Variants in RALGDS observed in about 807,000 individuals in gnomAD.
The protein encoded by RALGDS is ral guanine nucleotide exchange factor.
A neutral mutation model predicts 99.8 loss-of-function variants in RALGDS; 44 were observed. The ratio of observed to expected loss-of-function variants is 0.44; its 90% CI spans 0.35 to 0.57. The LOEUF is 0.57. RALGDS is among the 20% of genes least tolerant of loss of function. RALGDS has a pLI of 0.01. For synonymous variants in RALGDS, 529 were observed against 505.0 expected, an observed-to-expected ratio of 1.05 and a Z score of -0.64; for missense variants, 1,022 against 1,203.1, an observed-to-expected ratio of 0.85 and a Z score of 2.23.
upstream of RALGDS, among the ~76,000 whole-genome samples, chr9:133,125,874 T>C (rs1588560117): frequency 2.6e-5 from 4 of 152,098 alleles, no homozygotes; most frequent in South Asian, 8.3e-4. Context: ...TGTATTACTC[T>C]CTGTGGGCAC....
Position 133,102,805 on chromosome 9 carries a change from G to A in RALGDS, c.1887C>T (p.Ala629=), listed in dbSNP as rs139064238. ...PDEQFGAWFR[A]VERLSETESY... Reference sequence around the variant, plus strand: ...TCTCAGTCTCGCTGAGCCGCTCCACGGCCCGGAACCAGGCCCCAAATTGCT... The same window carrying A: ...TCTCAGTCTCGCTGAGCCGCTCCACAGCCCGGAACCAGGCCCCAAATTGCT... The change falls in exon 13 of 18, where the codon GCC becomes GCT. Residue 629 remains alanine, a synonymous_variant. Transcript: ENST00000372050. 3.4e-5 allele frequency: 55 copies of A among 1,612,964 alleles called. No homozygotes were observed. The African/African-American group carries it at 4.3e-4, about 13-fold the overall frequency.
intron 10 of RALGDS, 137 bp from the exon 11 acceptor site, chr9:133,103,970 A>G: frequency 1.1e-6 from 1 of 895,048 alleles, no homozygotes; most frequent in Non-Finnish European, 1.8e-6. Flanking sequence ...CCTGGACCCC[A>G]GACTCCCTCT....
chr9:133,104,091 C>T (rs960267426), intron 10 of RALGDS, among the ~76,000 whole-genome samples, 172 bp downstream of exon 10: 7 of 152,202 alleles, frequency 4.6e-5, no homozygotes, highest in Admixed American at 6.5e-5. Flanking sequence ...CCTGTCCTTT[C>T]GTGGCTGCAG....
At position 133,130,593 on chromosome 9, in the gene RALGDS, T is replaced by A. The variant is rs529539524; in HGVS notation, c.132+359A>T. Among the ~76,000 whole-genome samples, 308 of 152,188 alleles carry A rather than the reference T, an allele frequency of 2.0e-3. 1 individual carries two copies. Among genetic ancestry groups the A allele is most frequent in the African/African-American group, 7.2e-3 (299 of 41,486 alleles). ...AAGGGCAGGCTTGAAATGAGTACATTTGGCTTTTAGAATAATTTACTAGAG... is the reference window on the plus strand; with the variant it reads ...AAGGGCAGGCTTGAAATGAGTACATATGGCTTTTAGAATAATTTACTAGAG... On this transcript the variant is annotated intron_variant, in intron 1 of 17. Coordinates refer to the RALGDS transcript ENST00000372062.
chr9:133,120,304 G>A (rs1468848131), intron 1 of RALGDS, among the ~76,000 whole-genome samples: 1 of 152,106 alleles, frequency 6.6e-6, no homozygotes, highest in Non-Finnish European at 1.5e-5. Context: ...TCAGGGTGTT[G>A]GCACTCTTTC....
chr9:133,108,186 C>A lies in RALGDS; in HGVS notation c.999G>T (p.Leu333=). 1 of 1,611,856 alleles carries A rather than the reference C, an allele frequency of 6.2e-7. No homozygotes were observed. Among genetic ancestry groups the A allele is most frequent in the Non-Finnish European group, 8.5e-7 (1 of 1,179,874 alleles). Reference sequence around the variant, plus strand: ...CCTGTTCTGGAGCTGGCTCTAGTTCCAGAGCTGGCGCTGGAGCCGATTCTA... The same window carrying A: ...CCTGTTCTGGAGCTGGCTCTAGTTCAAGAGCTGGCGCTGGAGCCGATTCTA... ...VGLESAPAPA[L]ELEPAPEQDP... is the part of the protein sequence containing the mutation. Residue 333 remains leucine, a synonymous_variant, in exon 6 of 18, where the codon CTG becomes CTT. Coordinates refer to ENST00000372050, the MANE Select transcript of RALGDS (RefSeq NM_006266.4).
At position 133,107,161 on chromosome 9, in the gene RALGDS, G is replaced by C. The variant is rs777232468; in HGVS notation, c.1337C>G (p.Thr446Ser). The C allele has an allele frequency of 6.3e-5, 101 of 1,613,660 alleles. No homozygotes were observed. The highest frequency in any genetic ancestry group is 8.1e-5 in the Non-Finnish European group (95 of 1,180,050). ...CGTGCTTCGGTTCCCGAGGCAGGTG[G>C]TGATGACACAGTTGGCCACACTGTT... Reference protein sequence around the residue: ...QFNSVANCVITTCLGNRSTKA... With the variant: ...QFNSVANCVISTCLGNRSTKA... Residue 446 changes from threonine to serine, a missense_variant, in exon 7 of 18, where the codon ACC (threonine) becomes AGC (serine). By Grantham distance (58) the Thr-to-Ser change is moderately conservative. Around this residue, in one of 3 missense-constraint regions of RALGDS, gnomAD observed 825 missense variants for 994.5 expected, o/e 0.83. Transcript: ENST00000372050.
rs141487508 is a variant in RALGDS, at chr9:133,100,314, C to T, written c.2523G>A (p.Glu841=). The T allele has an allele frequency of 8.1e-5, 131 of 1,614,108 alleles. No individual in the cohort carries two copies. Among genetic ancestry groups the T allele is most frequent in the Non-Finnish European group, 1.0e-4 (119 of 1,180,042 alleles). Reference sequence around the variant, plus strand: ...GCAGCAGCTCATAGTCCTCCGGCTCCTCCTCCTCCAGGTTGTGTTTGTCCA... The same window carrying T: ...GCAGCAGCTCATAGTCCTCCGGCTCTTCCTCCTCCAGGTTGTGTTTGTCCA... The part of the protein sequence containing the change: ...KAMDKHNLEE[E]EPEDYELLQI... The change falls in exon 17 of 18, where the codon GAG becomes GAA. Residue 841 remains glutamate, a synonymous_variant. Coordinates refer to ENST00000372050, the MANE Select transcript of RALGDS (RefSeq NM_006266.4).
chr9:133,129,885 G>T (rs1311347288), intron 1 of RALGDS, among the ~76,000 whole-genome samples: 1 of 150,264 alleles, frequency 6.7e-6, no homozygotes, highest in East Asian at 2.0e-4. Flanking sequence ...GTGCGACCTC[G>T]GCTCACTATA....
At chr9:133,145,880 AG>A (rs1409824849) in intron 1 of RALGDS, among the ~76,000 whole-genome samples, 1 of 152,230 alleles carries the variant, frequency 6.6e-6, no homozygotes, top group Non-Finnish European at 1.5e-5. Context: ...TGGAAGGATT[AG>A]GAAGGAAAAG....
chr9:133,115,332 G>A (rs1002641909), intron 1 of RALGDS, among the ~76,000 whole-genome samples: 7 of 152,192 alleles, frequency 4.6e-5, no homozygotes, highest in African/African-American at 1.4e-4. Flanking sequence ...AGTGAGGAGA[G>A]GGCTCTAGCC....
In RALGDS at chr9:133,098,225, G is replaced by A. The variant is rs1314768231; in HGVS notation, c.*362C>T. ...CAGTGGTCACAGTGGGTGCTCTGGG[G>A]TGCCCATGGGCACAGGTGGCAGTGA... On this transcript the variant is annotated 3_prime_UTR_variant, in exon 18 of 18. Coordinates refer to ENST00000372050, the MANE Select transcript of RALGDS (RefSeq NM_006266.4). 4.8e-6 allele frequency: 2 copies of A among 417,848 alleles called. No individual in the cohort carries two copies. Among genetic ancestry groups the A allele is most frequent in the African/African-American group, 2.0e-5 (1 of 50,538 alleles). 25.9% of individuals were successfully genotyped at this position (417,848 alleles called of 1,614,324 possible). A position where few individuals can be genotyped will look rare whatever the true frequency, so the allele number is the denominator to read the frequency against.
upstream of RALGDS, among the ~76,000 whole-genome samples, chr9:133,124,243 GACAGACAC>G (rs945244995): frequency 1.3e-5 from 2 of 150,862 alleles, no homozygotes; most frequent in Non-Finnish European, 3.0e-5. Context: ...CACACATAGA[GACAGACAC>G]AGAGACACAG....
At chr9:133,137,177 G>A (rs577257886) in intron 1 of RALGDS, among the ~76,000 whole-genome samples, 1 of 151,602 alleles carries the variant, frequency 6.6e-6, no homozygotes, top group Non-Finnish European at 1.5e-5. Flanking sequence ...AGGTTGCAGT[G>A]AGCTGAGATC....
At chr9:133,124,035 CAG>C (rs1491015494), upstream of RALGDS, among the ~76,000 whole-genome samples, 1 of 102,500 alleles carries the variant, frequency 9.8e-6, no homozygotes, top group South Asian at 2.7e-4. Flanking sequence ...GATGCACACA[CAG>C]AGACACACAG....
At chr9:133,119,167 G>T (rs1831772877) in intron 1 of RALGDS, among the ~76,000 whole-genome samples, 1 of 152,234 alleles carries the variant, frequency 6.6e-6, no homozygotes. Flanking sequence ...AAACAGGGAT[G>T]CGGGGGAAGG....
Position 133,105,957 on chromosome 9 carries a change from G to A in RALGDS, c.1577C>T (p.Ser526Leu), listed in dbSNP as rs2119145363. 6.2e-7 allele frequency: 1 copy of A among 1,602,208 alleles called. No homozygotes were observed. The highest frequency in any genetic ancestry group is 8.5e-7 in the Non-Finnish European group (1 of 1,175,808). Residue 526 changes from serine (S) to leucine (L), a missense_variant, in exon 9 of 18, where the codon TCA becomes TTA. Coordinates refer to ENST00000372050, the MANE Select transcript of RALGDS (RefSeq NM_006266.4). ...SEIFSDENNY[S>L]LSRELLIKEG... ...CTTGATGAGCAGCTCCCGGCTCAATGAGTAGTTGTTCTCATCTGAGAAGAT... is the reference window on the plus strand; with the variant it reads ...CTTGATGAGCAGCTCCCGGCTCAATAAGTAGTTGTTCTCATCTGAGAAGAT...
upstream of RALGDS, among the ~76,000 whole-genome samples, chr9:133,132,310 G>A (rs1475012102): frequency 1.3e-5 from 2 of 152,160 alleles, no homozygotes; most frequent in Admixed American, 6.5e-5. Flanking sequence ...TGAGGCAGGC[G>A]GCAGGGGTTG....
At chr9:133,132,560 G>T (rs1564252205), upstream of RALGDS, among the ~76,000 whole-genome samples, 1 of 152,204 alleles carries the variant, frequency 6.6e-6, no homozygotes, top group Non-Finnish European at 1.5e-5. Context: ...TGGCCGAGAA[G>T]GTGTTTCCTA....
Sources: allele counts gnomAD v4.1 joint callset (sites outside exome capture counted in the v4.1 genomes callset), GRCh38; gene constraint gnomAD v4.1.1; regional missense constraint gnomAD v4.1.1; transcripts MANE v1.5; gene names NCBI Gene and HGNC (gene_info 2026-07-23, HGNC 2026-07-21).